The following CYYR1 variants were observed in gnomAD, a reference collection of about 807,000 sequenced individuals.
CYYR1 encodes cysteine and tyrosine-rich protein 1.
A neutral mutation model predicts 15.2 loss-of-function variants in CYYR1; 14 were observed. The observed-to-expected ratio is 0.92, with a 90% CI of 0.61 to 1.44. CYYR1 has a LOEUF of 1.44. CYYR1 is among the 40% of genes most tolerant of loss of function. The probability of loss-of-function intolerance (pLI) is 0.00; values close to 1 mark genes in which losing one functional copy is unlikely to be tolerated. For synonymous variants in CYYR1, 80 were observed against 77.4 expected, an observed-to-expected ratio of 1.03 and a Z score of -0.18; for missense variants, 228 against 209.5, an observed-to-expected ratio of 1.09 and a Z score of -0.54.
intron 3 of CYYR1, among the ~76,000 whole-genome samples, chr21:26,477,402 G>T (rs1157726873): frequency 4.6e-5 from 7 of 152,094 alleles, no homozygotes; most frequent in Non-Finnish European, 1.0e-4. Flanking sequence ...TCAGCATGAG[G>T]TTCATTATGT....
chr21:26,515,654 C>T (rs1337419042), intron 2 of CYYR1, among the ~76,000 whole-genome samples: 1 of 152,070 alleles, frequency 6.6e-6, no homozygotes, highest in Non-Finnish European at 1.5e-5. Context: ...TCTCTTTCTC[C>T]CCAACTCATG....
chr21:26,549,882 T>C (rs1229799503), intron 2 of CYYR1, among the ~76,000 whole-genome samples: 2 of 152,200 alleles, frequency 1.3e-5, no homozygotes. Context: ...TAAGTCAGTA[T>C]AAACAGATTG....
At chr21:26,554,992 G>A (rs1979665729) in intron 2 of CYYR1, among the ~76,000 whole-genome samples, 1 of 152,046 alleles carries the variant, frequency 6.6e-6, no homozygotes, top group African/African-American at 2.4e-5. Flanking sequence ...AAATATATAT[G>A]TCAGGGGGGC....
intron 2 of CYYR1, among the ~76,000 whole-genome samples, chr21:26,562,793 T>TAAACACACACAC (rs1980316565): frequency 1.2e-4 from 5 of 41,586 alleles, no homozygotes; most frequent in Non-Finnish European, 2.4e-4. Flanking sequence ...CACAGAGACA[T>TAAACACACACAC]ACACAAACAC....
chr21:26,482,134 ATC>A (rs2065189678), intron 2 of CYYR1: 1 of 320,468 alleles, frequency 3.1e-6, no homozygotes, highest in South Asian at 1.2e-4. Context: ...GGGAATGCAG[ATC>A]TCTCAGACAA....
chr21:26,538,817 G>A (rs1978352313), intron 2 of CYYR1, among the ~76,000 whole-genome samples: 1 of 152,166 alleles, frequency 6.6e-6, no homozygotes. Context: ...GCCTGGTAAA[G>A]TCTAGGATCC....
intron 2 of CYYR1, among the ~76,000 whole-genome samples, chr21:26,553,963 G>A (rs544566319): frequency 1.3e-5 from 2 of 152,280 alleles, no homozygotes; most frequent in East Asian, 3.9e-4. Flanking sequence ...ATGCCATCTG[G>A]CATTTATTTG....
intron 2 of CYYR1, among the ~76,000 whole-genome samples, chr21:26,521,598 T>C (rs1331441548): frequency 1.3e-5 from 2 of 152,208 alleles, no homozygotes; most frequent in Non-Finnish European, 2.9e-5. Flanking sequence ...TGATCTTGAC[T>C]AAGGAAAGAA....
At chr21:26,546,858 G>T (rs981615924) in intron 2 of CYYR1, among the ~76,000 whole-genome samples, 3 of 152,102 alleles carry the variant, frequency 2.0e-5, no homozygotes, top group Non-Finnish European at 4.4e-5. Context: ...GAAATAACTT[G>T]CCCAGCTCAG....
chr21:26,566,542 C>G (rs1456917845), intron 1 of CYYR1, among the ~76,000 whole-genome samples, 174 bp from the exon 2 acceptor site: 1 of 152,130 alleles, frequency 6.6e-6, no homozygotes, highest in East Asian at 1.9e-4. Context: ...GCCTCTCTTC[C>G]CCATTAGACT....
At chr21:26,509,706 G>C (rs1458577587) in intron 2 of CYYR1, among the ~76,000 whole-genome samples, 2 of 152,150 alleles carry the variant, frequency 1.3e-5, no homozygotes, top group East Asian at 1.9e-4. Context: ...TCATCCTATA[G>C]CTCCACCATC....
At chr21:26,520,562 T>C (rs2065791304) in intron 2 of CYYR1, among the ~76,000 whole-genome samples, 1 of 152,186 alleles carries the variant, frequency 6.6e-6, no homozygotes, top group East Asian at 1.9e-4. Flanking sequence ...GTCTTTATAG[T>C]AGAATGATTT....
At chr21:26,566,961 A>T (rs1011112868) in intron 1 of CYYR1, among the ~76,000 whole-genome samples, 1 of 151,140 alleles carries the variant, frequency 6.6e-6, no homozygotes, top group Non-Finnish European at 1.5e-5. Flanking sequence ...ATGAGCCGAG[A>T]TCATGCCACT....
intron 2 of CYYR1, among the ~76,000 whole-genome samples, chr21:26,553,687 G>A (rs1284160851): frequency 6.6e-6 from 1 of 152,100 alleles, no homozygotes; most frequent in Non-Finnish European, 1.5e-5. Context: ...TAGCTGCTTC[G>A]TGCATTCTGT....
At chr21:26,515,782 C>CA (rs2065719975) in intron 2 of CYYR1, among the ~76,000 whole-genome samples, 1 of 152,282 alleles carries the variant, frequency 6.6e-6, no homozygotes, top group African/African-American at 2.4e-5. Flanking sequence ...CTTATACTGT[C>CA]ATTCACACAA....
At position 26,573,047 on chromosome 21, in the gene CYYR1, G is replaced by A. The variant is rs1236587558; in HGVS notation, c.-107C>T. ...AGAGAGCAGCGCTCCTGAGAGCCGG[G>A]TGGAGCAGAGACCCGGCCATTGCCT... is the stretch of plus-strand genomic sequence containing the variant. On this transcript the variant is annotated 5_prime_UTR_variant, in exon 1 of 4. Coordinates refer to ENST00000652641, the MANE Select transcript of CYYR1 (RefSeq NM_001320768.2). 6.3e-7 allele frequency: 1 copy of A among 1,590,116 alleles called. No individual in the cohort carries two copies. Among genetic ancestry groups the A allele is most frequent in the Non-Finnish European group, 8.6e-7 (1 of 1,169,460 alleles).
intron 2 of CYYR1, among the ~76,000 whole-genome samples, chr21:26,514,554 A>C (rs1387954122): frequency 1.3e-5 from 2 of 152,236 alleles, no homozygotes; most frequent in Non-Finnish European, 2.9e-5. Context: ...ACCATGAGCC[A>C]AATAAACCTA....
intron 2 of CYYR1, among the ~76,000 whole-genome samples, chr21:26,505,061 GT>G (rs1422664732): frequency 3.3e-5 from 5 of 152,188 alleles, no homozygotes; most frequent in Admixed American, 2.6e-4. Flanking sequence ...TTGAAAGATG[GT>G]TAAAATATTT....
chr21:26,487,447 G>C (rs1283778397), intron 2 of CYYR1, among the ~76,000 whole-genome samples: 1 of 152,060 alleles, frequency 6.6e-6, no homozygotes, highest in African/African-American at 2.4e-5. Context: ...ACATACATGA[G>C]AATAAATCTT....
Sources: gnomAD v4.1 joint callset for allele counts (sites outside exome capture counted in the v4.1 genomes callset) on GRCh38, gnomAD v4.1.1 for gene constraint, MANE v1.5 for transcripts, NCBI Gene and HGNC (gene_info 2026-07-23, HGNC 2026-07-21) for gene names.